Variants in PCDH11X observed in about 807,000 individuals in gnomAD.
The protein encoded by PCDH11X is protocadherin 11 X-linked.
PCDH11X carries 18 observed loss-of-function variants against 53.3 expected under a neutral mutation model. That is an observed-to-expected ratio of 0.34 (90% confidence interval 0.23 to 0.50). PCDH11X has a LOEUF of 0.50. Ranked by LOEUF, PCDH11X falls within the 20% of genes least tolerant of loss-of-function variation. PCDH11X has a pLI of 0.98. For synonymous variants in PCDH11X, 279 were observed against 393.3 expected (o/e 0.71, Z 3.44); for missense variants, 570 against 1,032.4 (o/e 0.55, Z 6.14).
chrX:91,828,141 A>T (rs1323926855), intron 4 of PCDH11X, among the ~76,000 whole-genome samples: 19 of 80,011 alleles, frequency 2.4e-4, no homozygotes, highest in Non-Finnish European at 3.6e-4. Flanking sequence ...TTTTTTTGAG[A>T]TGGAGTCTCG....
chrX:92,483,950 A>G (rs1459421928), intron 10 of PCDH11X, among the ~76,000 whole-genome samples: 2 of 107,937 alleles, frequency 1.9e-5, no homozygotes, highest in African/African-American at 6.7e-5. Flanking sequence ...ACTACTGGGT[A>G]TCTACCCAGA....
chrX:91,878,912 C>T lies in PCDH11X; in HGVS notation c.2672C>T (p.Thr891Ile), dbSNP rs1426684046. The T allele has an allele frequency of 1.7e-6, 2 of 1,209,869 alleles. No individual in the cohort carries two copies. The highest frequency in any genetic ancestry group is 3.0e-5 in the East Asian group (1 of 33,771). ...CTTAATTTTGTCACTATTGAAGAAA[C>T]TAAGGCAGATGATGTTGACAGTGAT... ...LLLNFVTIEE[T>I]KADDVDSDGN... Residue 891 changes from threonine (T) to isoleucine (I), a missense_variant, in exon 6 of 11, where the codon ACT becomes ATT. By Grantham distance (89) the Thr-to-Ile change is moderately conservative. Around this residue, in one of 6 missense-constraint regions of PCDH11X, gnomAD observed 226 missense variants for 457.5 expected, o/e 0.49. Coordinates refer to ENST00000682573, the MANE Select transcript of PCDH11X (RefSeq NM_032968.5).
chrX:91,861,754 A>G (rs1017526072), intron 5 of PCDH11X, among the ~76,000 whole-genome samples: 2 of 111,876 alleles, frequency 1.8e-5, no homozygotes, highest in African/African-American at 6.5e-5. Flanking sequence ...AGTTGTGCAG[A>G]TCGGTTGAAA....
chrX:92,029,081 G>C (rs2063008712), intron 6 of PCDH11X, among the ~76,000 whole-genome samples: 1 of 110,735 alleles, frequency 9.0e-6, no homozygotes. Context: ...TTCCAGAAAG[G>C]CTTATTACAC....
At chrX:92,230,609 A>T (rs2067058955) in intron 7 of PCDH11X, among the ~76,000 whole-genome samples, 1 of 96,923 alleles carries the variant, frequency 1.0e-5, no homozygotes, top group African/African-American at 3.7e-5. Flanking sequence ...TATATAATAT[A>T]TACATATATA....
chrX:92,415,403 T>G (rs1261710959), intron 9 of PCDH11X, among the ~76,000 whole-genome samples: 1 of 112,008 alleles, frequency 8.9e-6, no homozygotes, highest in African/African-American at 3.2e-5. Flanking sequence ...TTTTACATCA[T>G]TGACTAACAA....
chrX:92,393,933 CA>C (rs1476040742), intron 9 of PCDH11X, among the ~76,000 whole-genome samples: 4 of 110,936 alleles, frequency 3.6e-5, no homozygotes, highest in Non-Finnish European at 7.6e-5. Context: ...ACGTGCTTTT[CA>C]AAAGTAAATC....
At chrX:92,554,864 A>G (rs990759202) in intron 10 of PCDH11X, among the ~76,000 whole-genome samples, 2 of 110,911 alleles carry the variant, frequency 1.8e-5, no homozygotes, top group Non-Finnish European at 3.8e-5. Context: ...TATATAAGCT[A>G]GCTCTTCCCA....
intron 5 of PCDH11X, among the ~76,000 whole-genome samples, chrX:91,857,513 G>A (rs1399363247): frequency 1.8e-5 from 2 of 111,670 alleles, no homozygotes; most frequent in African/African-American, 6.5e-5. Flanking sequence ...GATAAGGCAA[G>A]CCCCTTCCAC....
At chrX:92,279,277 C>T (rs2068191998) in intron 8 of PCDH11X, among the ~76,000 whole-genome samples, 1 of 112,469 alleles carries the variant, frequency 8.9e-6, no homozygotes, top group Non-Finnish European at 1.9e-5. Context: ...TCCAAATATA[C>T]TTTAAGCATT....
chrX:92,232,870 C>T (rs976217903), intron 7 of PCDH11X, among the ~76,000 whole-genome samples: 4 of 111,402 alleles, frequency 3.6e-5, no homozygotes, highest in African/African-American at 1.3e-4. Flanking sequence ...CGCCCGCCAC[C>T]ACGCCCGGCT....
rs183506385 is a variant in PCDH11X, at chrX:92,486,567, A to G, written c.3367+18245A>G. Reference sequence around the variant, plus strand: ...TCACAAGTCACAATTTAAAATATCTATACACTTCTATTTTTAAATTTCTTT... The same window carrying G: ...TCACAAGTCACAATTTAAAATATCTGTACACTTCTATTTTTAAATTTCTTT... On this transcript the variant is annotated intron_variant, in intron 10 of 10. Coordinates refer to ENST00000682573, the MANE Select transcript of PCDH11X (RefSeq NM_032968.5). Among the ~76,000 whole-genome samples the G allele has an allele frequency of 7.7e-3, 862 of 111,870 alleles. 8 individuals are homozygous for G. Among genetic ancestry groups the G allele is most frequent in the Non-Finnish European group, 0.012 (647 of 53,142 alleles).
intron 6 of PCDH11X, among the ~76,000 whole-genome samples, chrX:92,043,474 G>T (rs2562935): frequency 0.19 from 15,790 of 81,133 alleles, 3,576 homozygotes; most frequent in East Asian, 0.67. Context: ...GAATACACAT[G>T]TTTTACAAAA....
intron 8 of PCDH11X, among the ~76,000 whole-genome samples, chrX:92,298,381 C>G (rs368014340): frequency 4.6e-4 from 51 of 111,419 alleles, no homozygotes; most frequent in East Asian, 4.3e-3. Flanking sequence ...TCAAAATCCC[C>G]TTCTGTATCT....
intron 6 of PCDH11X, among the ~76,000 whole-genome samples, chrX:91,887,760 G>A (rs1157186458): frequency 1.8e-5 from 2 of 110,423 alleles, no homozygotes; most frequent in Non-Finnish European, 3.8e-5. Context: ...CTTTTTACAT[G>A]TATTGAAGAC....
chrX:92,445,087 A>G (rs1341820370), intron 9 of PCDH11X, among the ~76,000 whole-genome samples: 1 of 101,477 alleles, frequency 9.9e-6, no homozygotes, highest in Non-Finnish European at 2.0e-5. Context: ...AGAGCTGCAG[A>G]GGAGCTCTTT....
chrX:92,241,543 C>T (rs2067262287), intron 7 of PCDH11X, among the ~76,000 whole-genome samples: 1 of 111,607 alleles, frequency 9.0e-6, no homozygotes, highest in African/African-American at 3.3e-5. Context: ...TAAAAATTGT[C>T]CCTTGTCATT....
At chrX:92,454,778 TG>T (rs1281763982) in intron 9 of PCDH11X, among the ~76,000 whole-genome samples, 3 of 107,537 alleles carry the variant, frequency 2.8e-5, no homozygotes. Context: ...TGAGCTGGAA[TG>T]AGTATCACAG....
intron 6 of PCDH11X, among the ~76,000 whole-genome samples, chrX:92,036,916 C>G (rs1204021480): frequency 5.4e-5 from 6 of 111,558 alleles, no homozygotes; most frequent in African/African-American, 2.0e-4. Context: ...GGAACTGGAG[C>G]AAAGGTGATT....
Sources: allele counts gnomAD v4.1 joint callset (sites outside exome capture counted in the v4.1 genomes callset), GRCh38; gene constraint gnomAD v4.1.1; regional missense constraint gnomAD v4.1.1; transcripts MANE v1.5; gene names NCBI Gene and HGNC (gene_info 2026-07-23, HGNC 2026-07-21).